GPR141: variants seen among roughly 807,000 people sequenced by gnomAD.
GPR141 encodes the protein G protein-coupled receptor 141, also known as probable G protein-coupled receptor 141.
GPR141 carries 6 observed loss-of-function variants against 6.8 expected under a neutral mutation model. The observed-to-expected ratio is 0.88, with a 90% CI of 0.48 to 1.74. The LOEUF is 1.74. Among genes scored for constraint, GPR141 ranks in the 40% most tolerant of loss-of-function variants. The probability of loss-of-function intolerance (pLI) is 0.01; values close to 1 mark genes in which losing one functional copy is unlikely to be tolerated. For missense variants in GPR141, 372 were observed against 372.9 expected (o/e 1.00, Z 0.02); for synonymous variants, 140 against 142.3 (o/e 0.98, Z 0.11).
intron 2 of GPR141, among the ~76,000 whole-genome samples, chr7:37,694,658 C>A (rs1809934754): frequency 6.6e-6 from 1 of 152,188 alleles, no homozygotes; most frequent in Non-Finnish European, 1.5e-5. Flanking sequence ...GTGCAGATCA[C>A]ATGGCAAGAG....
chr7:37,702,726 T>A (rs1202680110), intron 2 of GPR141, among the ~76,000 whole-genome samples: 4 of 127,326 alleles, frequency 3.1e-5, no homozygotes, highest in African/African-American at 1.2e-4. Context: ...CCCTAAAACT[T>A]AAAGTATAAT....
intron 2 of GPR141, among the ~76,000 whole-genome samples, chr7:37,688,363 C>A (rs925873260): frequency 1.3e-5 from 2 of 152,024 alleles, no homozygotes; most frequent in African/African-American, 4.8e-5. Context: ...ACCCAGGAGG[C>A]AGAGGTTGCA....
intron 2 of GPR141, among the ~76,000 whole-genome samples, chr7:37,688,852 G>C (rs1809633117): frequency 6.6e-6 from 1 of 152,130 alleles, no homozygotes; most frequent in African/African-American, 2.4e-5. Flanking sequence ...ACTAAAGAGA[G>C]AGTCTGCCAT....
chr7:37,700,358 A>G (rs1039355274), intron 2 of GPR141, among the ~76,000 whole-genome samples: 10 of 152,196 alleles, frequency 6.6e-5, no homozygotes, highest in Non-Finnish European at 1.5e-4. Context: ...TCAGCATGCT[A>G]ATTTCCTTTT....
At chr7:37,697,307 C>T (rs1419148086) in intron 2 of GPR141, among the ~76,000 whole-genome samples, 1 of 152,092 alleles carries the variant, frequency 6.6e-6, no homozygotes, top group African/African-American at 2.4e-5. Flanking sequence ...ATTAGATAAT[C>T]TTTGTTAGCA....
intron 2 of GPR141, among the ~76,000 whole-genome samples, chr7:37,735,286 A>G (rs1051680577): frequency 3.3e-5 from 5 of 152,248 alleles, no homozygotes; most frequent in South Asian, 2.1e-4. Flanking sequence ...AGCTTTTCCA[A>G]TTCAGAGCTG....
At chr7:37,691,288 C>CT (rs1562764892) in intron 2 of GPR141, among the ~76,000 whole-genome samples, 2 of 63,092 alleles carry the variant, frequency 3.2e-5, no homozygotes, top group African/African-American at 1.6e-4. Context: ...AGTCTATATC[C>CT]TTTTTTTTTT....
At chr7:37,693,242 C>A (rs1305274176) in intron 2 of GPR141, among the ~76,000 whole-genome samples, 2 of 152,182 alleles carry the variant, frequency 1.3e-5, no homozygotes, top group African/African-American at 4.8e-5. Flanking sequence ...TTTCCCAACA[C>A]CACTTATTAA....
chr7:37,686,824 A>T (rs1254563430), intron 2 of GPR141, among the ~76,000 whole-genome samples: 2 of 152,160 alleles, frequency 1.3e-5, no homozygotes, highest in African/African-American at 4.8e-5. Flanking sequence ...ACTTTTTAAA[A>T]AGAGTGAAAT....
chr7:37,741,177 G>T lies in GPR141; in HGVS notation c.784G>T (p.Val262Phe). ...VTHSNACNSK[V>F]AFYNEIFLSV... is the part of the protein sequence containing the mutation. ...GCATTCCAATGCCTGTAACAGCAAG[G>T]TTGCATTTTATAACGAAATCTTCTT... Residue 262 changes from valine (V) to phenylalanine (F), a missense_variant, in exon 3 of 3, where the codon GTT (valine) becomes TTT (phenylalanine). Val to Phe is a conservative substitution (Grantham distance 50). Coordinates refer to ENST00000334425, the MANE Select transcript of GPR141 (RefSeq NM_001381946.1). 2.5e-6 allele frequency: 4 copies of T among 1,613,868 alleles called. No individual in the cohort carries two copies. The highest frequency in any genetic ancestry group is 3.4e-6 in the Non-Finnish European group (4 of 1,179,810).
intron 2 of GPR141, among the ~76,000 whole-genome samples, chr7:37,725,119 C>T (rs1212841986): frequency 1.3e-5 from 2 of 152,172 alleles, no homozygotes; most frequent in African/African-American, 4.8e-5. Flanking sequence ...AGGGTTCCTT[C>T]TCTCCTGGAG....
At chr7:37,701,019 A>G (rs1179500934) in intron 2 of GPR141, among the ~76,000 whole-genome samples, 3 of 152,204 alleles carry the variant, frequency 2.0e-5, no homozygotes, top group Admixed American at 6.5e-5. Flanking sequence ...TCCTTAGCTT[A>G]TGCTGAAAAG....
At chr7:37,708,310 C>CAAAAAAAAAAAAA (rs66783277) in intron 2 of GPR141, among the ~76,000 whole-genome samples, 4 of 59,774 alleles carry the variant, frequency 6.7e-5, no homozygotes, top group African/African-American at 1.4e-4. Context: ...AAATTGCTGG[C>CAAAAAAAAAAAAA]AAAAAAAAAA....
At chr7:37,735,956 C>T (rs1471725141) in intron 2 of GPR141, among the ~76,000 whole-genome samples, 5 of 152,078 alleles carry the variant, frequency 3.3e-5, no homozygotes, top group African/African-American at 7.2e-5. Flanking sequence ...AAGATAAAAG[C>T]ACTGAACAAG....
intron 2 of GPR141, among the ~76,000 whole-genome samples, chr7:37,724,824 G>A (rs1811545607): frequency 1.3e-5 from 2 of 152,160 alleles, no homozygotes; most frequent in South Asian, 4.1e-4. Flanking sequence ...TCCTTGAGGT[G>A]GGGCCTATGG....
intron 2 of GPR141, among the ~76,000 whole-genome samples, chr7:37,721,310 T>C (rs1199649862): frequency 6.6e-6 from 1 of 152,170 alleles, no homozygotes; most frequent in Non-Finnish European, 1.5e-5. Context: ...ATAAGTATCA[T>C]ATAAGAAATT....
At chr7:37,705,284 C>T (rs1430413829) in intron 2 of GPR141, among the ~76,000 whole-genome samples, 2 of 152,148 alleles carry the variant, frequency 1.3e-5, no homozygotes, top group South Asian at 2.1e-4. Flanking sequence ...AATATTCTGC[C>T]ATAGAAAATA....
intron 2 of GPR141, among the ~76,000 whole-genome samples, chr7:37,686,416 T>C (rs1221939640): frequency 2.0e-5 from 3 of 152,198 alleles, no homozygotes; most frequent in African/African-American, 7.2e-5. Flanking sequence ...CCAAAGTATT[T>C]TCCAAATTAT....
chr7:37,701,819 T>C (rs887458431), intron 2 of GPR141, among the ~76,000 whole-genome samples: 1 of 152,152 alleles, frequency 6.6e-6, no homozygotes, highest in East Asian at 1.9e-4. Context: ...ATGGAGAAAA[T>C]GCAAATAAAT....
Sources: allele counts gnomAD v4.1 joint callset (sites outside exome capture counted in the v4.1 genomes callset), GRCh38; gene constraint gnomAD v4.1.1; transcripts MANE v1.5; gene names NCBI Gene and HGNC (gene_info 2026-07-23, HGNC 2026-07-21).